GRIN2B: variants seen among roughly 807,000 people sequenced by gnomAD.
The protein encoded by GRIN2B is glutamate ionotropic receptor NMDA type subunit 2B.
GRIN2B carries 5 observed loss-of-function variants against 114.5 expected under a neutral mutation model. The observed-to-expected ratio is 0.04, with a 90% CI of 0.02 to 0.09. GRIN2B has a LOEUF of 0.09. Among genes scored for constraint, GRIN2B ranks in the 10% least tolerant of loss-of-function variants. The pLI, the probability that GRIN2B is intolerant of heterozygous loss-of-function variation, is 1.00. For synonymous variants in GRIN2B, 787 were observed against 745.1 expected, an observed-to-expected ratio of 1.06 and a Z score of -0.92; for missense variants, 1,108 against 1,943.5, an observed-to-expected ratio of 0.57 and a Z score of 8.08.
intron 3 of GRIN2B, among the ~76,000 whole-genome samples, chr12:13,823,848 T>C (rs992551092): frequency 2.6e-5 from 4 of 152,172 alleles, no homozygotes; most frequent in Non-Finnish European, 4.4e-5. Flanking sequence ...TATTGAGAAT[T>C]CTCAACATGA....
At chr12:13,843,689 T>C (rs930961185) in intron 3 of GRIN2B, among the ~76,000 whole-genome samples, 1 of 152,210 alleles carries the variant, frequency 6.6e-6, no homozygotes, top group Non-Finnish European at 1.5e-5. Context: ...ACAATTATTA[T>C]GTCTGTTTTT....
chr12:13,627,025 G>A (rs997232111), intron 5 of GRIN2B, among the ~76,000 whole-genome samples: 10 of 151,916 alleles, frequency 6.6e-5, no homozygotes, highest in African/African-American at 2.4e-5. Context: ...GTAGGACCCA[G>A]GAGAATGTTA....
At chr12:13,620,323 C>T (rs1363754189) in intron 5 of GRIN2B, among the ~76,000 whole-genome samples, 4 of 152,170 alleles carry the variant, frequency 2.6e-5, no homozygotes, top group Admixed American at 6.5e-5. Flanking sequence ...TCACTGTAGC[C>T]GGATGATCTC....
intron 10 of GRIN2B, among the ~76,000 whole-genome samples, chr12:13,575,387 A>T (rs998111626): frequency 6.6e-6 from 1 of 152,128 alleles, no homozygotes. Flanking sequence ...GGCCGGGTGC[A>T]GTGGCTCACG....
rs572136840 is a variant in GRIN2B at position 13,539,713 on chromosome 12, C to G, written c.*23070G>C. The G allele has an allele frequency of 6.6e-6, 1 of 152,290 alleles. No individual in the cohort carries two copies. The highest frequency in any genetic ancestry group is 1.9e-4 in the East Asian group (1 of 5,176). 9.4% of individuals were successfully genotyped at this position (152,290 alleles called of 1,614,324 possible). ...GGGAACCTCTAAAGGATAAAGTGCT[C>G]TATTCCTTTAACAAGTATATGTCAA... On this transcript the variant is annotated 3_prime_UTR_variant, in exon 14 of 14. Coordinates refer to ENST00000609686, the MANE Select transcript of GRIN2B (RefSeq NM_000834.5).
chr12:13,686,147 C>T (rs1191987379), intron 4 of GRIN2B, among the ~76,000 whole-genome samples: 1 of 152,150 alleles, frequency 6.6e-6, no homozygotes, highest in Admixed American at 6.6e-5. Context: ...TAACGCAGTA[C>T]ATTATGGCAC....
intron 3 of GRIN2B, among the ~76,000 whole-genome samples, chr12:13,856,635 T>A (rs1048659011): frequency 2.0e-5 from 3 of 152,166 alleles, no homozygotes; most frequent in African/African-American, 2.4e-5. Context: ...CCTTCCTTGC[T>A]CTTCTTGTTC....
At chr12:13,734,172 C>A (rs549140847) in intron 4 of GRIN2B, among the ~76,000 whole-genome samples, 1 of 151,896 alleles carries the variant, frequency 6.6e-6, no homozygotes, top group Admixed American at 6.6e-5. Flanking sequence ...GTAAAATGAC[C>A]GAAATGATAC....
At chr12:13,888,724 A>G (rs965807345) in intron 2 of GRIN2B, among the ~76,000 whole-genome samples, 1 of 150,906 alleles carries the variant, frequency 6.6e-6, no homozygotes, top group Non-Finnish European at 1.5e-5. Flanking sequence ...AGGGAGCAAG[A>G]CTCCATCTCA....
intron 11 of GRIN2B, 98 bp downstream of exon 11, chr12:13,571,705 TG>T (rs1454631563): frequency 8.0e-7 from 1 of 1,243,540 alleles, no homozygotes; most frequent in Admixed American, 1.7e-5. Context: ...TAACATTTTA[TG>T]ATACCAAGCA....
At position 13,563,384 on chromosome 12, in the gene GRIN2B, G is replaced by A; in HGVS notation, c.3854C>T (p.Pro1285Leu). The change falls in exon 14 of 14, where the codon CCG becomes CTG. Residue 1285 changes from proline to leucine, a missense_variant. Physicochemically the swap from Pro to Leu is moderately conservative, Grantham distance 98. This residue lies in a region of GRIN2B where 478 missense variants were observed against 506.0 expected (regional missense o/e 0.94). Coordinates refer to ENST00000609686, the MANE Select transcript of GRIN2B (RefSeq NM_000834.5). ...CTTCTTCTGGGCCTTGGAATTAGTC[G>A]GGCTCTGAGGGTACTTAGTGGTGGA... Reference protein sequence around the residue: ...NASTTKYPQSPTNSKAQKKNR... With the variant: ...NASTTKYPQSLTNSKAQKKNR... 5 of 1,614,176 alleles carry A rather than the reference G, an allele frequency of 3.1e-6. No individual in the cohort carries two copies. In the South Asian group the frequency reaches 3.3e-5, roughly 11 times the overall value.
At chr12:13,863,521 T>C (rs1865780258) in intron 3 of GRIN2B, among the ~76,000 whole-genome samples, 1 of 152,224 alleles carries the variant, frequency 6.6e-6, no homozygotes, top group Non-Finnish European at 1.5e-5. Flanking sequence ...ACTTAACCTC[T>C]CTGAGCCTCA....
intron 5 of GRIN2B, among the ~76,000 whole-genome samples, chr12:13,660,520 CCTT>C (rs1400041047): frequency 2.0e-5 from 3 of 152,236 alleles, no homozygotes; most frequent in Non-Finnish European, 2.9e-5. Context: ...AGCAATGCCT[CCTT>C]CTCGTGGACT....
At chr12:13,855,563 G>C (rs926152400) in intron 3 of GRIN2B, among the ~76,000 whole-genome samples, 1 of 152,124 alleles carries the variant, frequency 6.6e-6, no homozygotes, top group African/African-American at 2.4e-5. Flanking sequence ...TTCCTTCCTT[G>C]CCTCTTCCAG....
At chr12:13,934,940 C>T (rs931901738) in intron 2 of GRIN2B, among the ~76,000 whole-genome samples, 4 of 152,152 alleles carry the variant, frequency 2.6e-5, no homozygotes, top group South Asian at 2.1e-4. Context: ...CTAAAAAATC[C>T]GATCACAATC....
At chr12:13,860,308 C>A (rs531902447) in intron 3 of GRIN2B, among the ~76,000 whole-genome samples, 1 of 152,234 alleles carries the variant, frequency 6.6e-6, no homozygotes, top group Admixed American at 6.5e-5. Flanking sequence ...AGCATCCATT[C>A]CCAAAGAAGC....
At chr12:13,885,621 G>A (rs968993035) in intron 2 of GRIN2B, among the ~76,000 whole-genome samples, 1 of 152,064 alleles carries the variant, frequency 6.6e-6, no homozygotes, top group Non-Finnish European at 1.5e-5. Flanking sequence ...CAGCAATCAG[G>A]TCTGAGAAGC....
chr12:13,882,799 G>A (rs1055370392), intron 2 of GRIN2B, among the ~76,000 whole-genome samples: 5 of 152,010 alleles, frequency 3.3e-5, no homozygotes, highest in Non-Finnish European at 4.4e-5. Context: ...TAAAATTCAC[G>A]CTTTTAAGTT....
chr12:13,928,179 C>T lies in GRIN2B; in HGVS notation c.-19+51749G>A, dbSNP rs150521830. On this transcript the variant is annotated intron_variant, in intron 2 of 13. Transcript: ENST00000609686. The stretch of plus-strand genomic sequence containing the variant: ...TAGAAAAATTTGCCAGGCGTGGTGG[C>T]ACGCACCTGCAATCCCAGCTACTTG... Among the ~76,000 whole-genome samples, 1,069 of 151,356 alleles carry T rather than the reference C, an allele frequency of 7.1e-3. 16 individuals carry two copies. Among genetic ancestry groups the T allele is most frequent in the African/African-American group, 0.024 (1,005 of 41,220 alleles).
Sources: gnomAD v4.1 joint callset for allele counts (sites outside exome capture counted in the v4.1 genomes callset) on GRCh38, gnomAD v4.1.1 for gene constraint, gnomAD v4.1.1 regional missense constraint, MANE v1.5 for transcripts, NCBI Gene and HGNC (gene_info 2026-07-23, HGNC 2026-07-21) for gene names.